ADAMTSL1: variants seen among roughly 807,000 people sequenced by gnomAD.
The protein encoded by ADAMTSL1 is ADAMTS like 1.
ADAMTSL1 carries 126 observed loss-of-function variants against 201.8 expected under a neutral mutation model. That is an observed-to-expected ratio of 0.62 (90% confidence interval 0.54 to 0.72). ADAMTSL1 has a LOEUF of 0.72. Among genes scored for constraint, ADAMTSL1 ranks in the 30% least tolerant of loss-of-function variants. ADAMTSL1 has a pLI of 0.00. For missense variants in ADAMTSL1, 2,679 were observed against 2,277.8 expected (o/e 1.18, Z -3.59); for synonymous variants, 1,121 against 903.4 (o/e 1.24, Z -4.32).
intron 7 of ADAMTSL1, among the ~76,000 whole-genome samples, chr9:18,645,307 G>T (rs1169268238): frequency 6.6e-6 from 1 of 152,178 alleles, no homozygotes; most frequent in Non-Finnish European, 1.5e-5. Context: ...CAGATGAGTA[G>T]ATTGTTAAAA....
chr9:17,995,740 T>TG (rs902082957), intron 1 of ADAMTSL1, among the ~76,000 whole-genome samples: 2 of 151,828 alleles, frequency 1.3e-5, no homozygotes, highest in African/African-American at 4.8e-5. Flanking sequence ...ACATTTATAA[T>TG]TAGTATTTAT....
intron 2 of ADAMTSL1, among the ~76,000 whole-genome samples, chr9:18,246,821 T>C (rs1293047103): frequency 1.3e-5 from 2 of 152,096 alleles, no homozygotes; most frequent in Admixed American, 6.6e-5. Flanking sequence ...CACATCAAAA[T>C]TAAACAAATA....
intron 2 of ADAMTSL1, among the ~76,000 whole-genome samples, chr9:18,199,873 G>T (rs933934019): frequency 6.7e-6 from 1 of 148,634 alleles, no homozygotes; most frequent in Non-Finnish European, 1.5e-5. Flanking sequence ...CAATACAAAT[G>T]GTTCATAAAC....
chr9:18,376,944 T>A (rs1837322530), intron 2 of ADAMTSL1, among the ~76,000 whole-genome samples: 1 of 152,260 alleles, frequency 6.6e-6, no homozygotes, highest in South Asian at 2.1e-4. Context: ...ATTTAAATCT[T>A]TATTTTTATA....
intron 1 of ADAMTSL1, among the ~76,000 whole-genome samples, chr9:18,111,662 T>TA (rs1825017490): frequency 1.3e-5 from 2 of 152,180 alleles, no homozygotes; most frequent in Non-Finnish European, 2.9e-5. Context: ...AAACAGAACT[T>TA]ACATCTTTTC....
chr9:18,125,236 A>T (rs1825684589), intron 1 of ADAMTSL1, among the ~76,000 whole-genome samples: 1 of 152,070 alleles, frequency 6.6e-6, no homozygotes, highest in African/African-American at 2.4e-5. Context: ...GGAAAGAGAG[A>T]GCCTGAGCAG....
chr9:18,141,642 G>T (rs1826402739), intron 1 of ADAMTSL1, among the ~76,000 whole-genome samples: 1 of 152,118 alleles, frequency 6.6e-6, no homozygotes, highest in South Asian at 2.1e-4. Flanking sequence ...CCTGCTCTTT[G>T]TGGCAGCCCC....
intron 1 of ADAMTSL1, among the ~76,000 whole-genome samples, chr9:18,125,083 G>A (rs1006364745): frequency 6.6e-6 from 1 of 152,156 alleles, no homozygotes; most frequent in African/African-American, 2.4e-5. Flanking sequence ...TTTTCACACT[G>A]CTGATAAAGA....
chr9:18,401,133 T>C (rs1817968359), intron 2 of ADAMTSL1, among the ~76,000 whole-genome samples: 1 of 152,178 alleles, frequency 6.6e-6, no homozygotes, highest in African/African-American at 2.4e-5. Context: ...ATAAATAATA[T>C]TTTATTTTTT....
Position 18,844,374 on chromosome 9 carries a change from C to G in ADAMTSL1, c.4249+14397C>G, listed in dbSNP as rs1825943887. On this transcript the variant is annotated intron_variant, in intron 23 of 28. Coordinates refer to ENST00000380548, the MANE Select transcript of ADAMTSL1 (RefSeq NM_001040272.6). ...GGATTTTCATGAACCGCGAATGCTG[C>G]TGTCTGATCGTTCCTCTGAAAGTTT... 2.6e-5 allele frequency among the ~76,000 whole-genome samples: 4 copies of G among 152,328 alleles called. No homozygotes were observed. The South Asian group carries it at 8.3e-4, about 32-fold the overall frequency.
intron 2 of ADAMTSL1, among the ~76,000 whole-genome samples, chr9:18,432,516 C>T (rs570358789): frequency 2.0e-5 from 3 of 152,158 alleles, no homozygotes. Flanking sequence ...CATTCTGAAT[C>T]TTATGTAGCT....
chr9:18,800,867 A>G (rs564434862), intron 20 of ADAMTSL1, among the ~76,000 whole-genome samples: 2 of 152,308 alleles, frequency 1.3e-5, no homozygotes, highest in African/African-American at 4.8e-5. Context: ...CATGCGAAGA[A>G]TTTGTGGCAG....
At chr9:18,563,532 C>G (rs942304780) in intron 3 of ADAMTSL1, among the ~76,000 whole-genome samples, 1 of 152,228 alleles carries the variant, frequency 6.6e-6, no homozygotes, top group African/African-American at 2.4e-5. Context: ...TAGTAGAGCT[C>G]TAGCGCTGTG....
intron 7 of ADAMTSL1, among the ~76,000 whole-genome samples, chr9:18,653,467 G>A (rs1012943112): frequency 3.3e-5 from 5 of 152,178 alleles, no homozygotes; most frequent in African/African-American, 1.2e-4. Context: ...GTTGTGGGCA[G>A]CATTAATCAT....
At chr9:17,932,056 C>A (rs1826816822) in intron 1 of ADAMTSL1, among the ~76,000 whole-genome samples, 1 of 152,162 alleles carries the variant, frequency 6.6e-6, no homozygotes, top group Non-Finnish European at 1.5e-5. Flanking sequence ...GTTTGGATAT[C>A]TTTGTGTTTG....
Position 18,290,280 on chromosome 9 carries a change from G to GT in ADAMTSL1, c.207+126299_207+126300insT, listed in dbSNP as rs1563862346. Among the ~76,000 whole-genome samples the GT allele has an allele frequency of 4.0e-3, 365 of 90,390 alleles. 2 individuals are homozygous for GT. Among genetic ancestry groups the GT allele is most frequent in the African/African-American group, 0.011 (345 of 30,938 alleles). 59.3% of individuals were successfully genotyped at this position (90,390 alleles called of 152,430 possible). On this transcript the variant is annotated intron_variant, in intron 2 of 29. Coordinates refer to the ADAMTSL1 transcript ENST00000680146. Reference sequence around the variant, plus strand: ...TGAAAGCCGCTATGCCAGGGGATTAGATTTTTTTTTTTTTCTAGTGCTGCA... The same window carrying GT: ...TGAAAGCCGCTATGCCAGGGGATTAGTATTTTTTTTTTTTTCTAGTGCTGCA...
intron 2 of ADAMTSL1, among the ~76,000 whole-genome samples, chr9:18,528,138 A>G (rs1332758524): frequency 1.3e-5 from 2 of 152,178 alleles, no homozygotes; most frequent in Non-Finnish European, 2.9e-5. Context: ...TTGGCCGCCC[A>G]AAGTGCTGGG....
Position 17,947,928 on chromosome 9 carries a change from A to G in ADAMTSL1, c.87+41006A>G, listed in dbSNP as rs556343510. Among the ~76,000 whole-genome samples the G allele has an allele frequency of 6.6e-5, 10 of 152,300 alleles. No homozygotes were observed. In the East Asian group the frequency reaches 9.7e-4, roughly 15 times the overall value. ...ACATGATACACCATCTTCAGGCACC[A>G]TCTTCCAAAAACAACTACCAATTTT... On this transcript the variant is annotated intron_variant, in intron 1 of 29. Coordinates refer to the ADAMTSL1 transcript ENST00000680146.
intron 23 of ADAMTSL1, among the ~76,000 whole-genome samples, chr9:18,847,608 T>C (rs1378976715): frequency 1.3e-5 from 2 of 152,202 alleles, no homozygotes; most frequent in Non-Finnish European, 2.9e-5. Flanking sequence ...AAAGCAGTTC[T>C]TGAGCAAAGA....
Sources: allele counts gnomAD v4.1 joint callset (sites outside exome capture counted in the v4.1 genomes callset), GRCh38; gene constraint gnomAD v4.1.1; transcripts MANE v1.5; gene names NCBI Gene and HGNC (gene_info 2026-07-23, HGNC 2026-07-21).